SLC25A48: variants seen among roughly 807,000 people sequenced by gnomAD.
The protein encoded by SLC25A48 is solute carrier family 25 member 48, also known as CTC-321K16.1.
SLC25A48 carries 29 observed loss-of-function variants against 32.2 expected under a neutral mutation model. The observed-to-expected ratio is 0.90, with a 90% CI of 0.67 to 1.23. SLC25A48 has a LOEUF of 1.23. Ranked by LOEUF, SLC25A48 falls within the 50% of genes most tolerant of loss-of-function variation. The pLI is 0.00. For missense variants in SLC25A48, 399 were observed against 422.7 expected (o/e 0.94, Z 0.49); for synonymous variants, 164 against 172.3 (o/e 0.95, Z 0.38).
intron 3 of SLC25A48, among the ~76,000 whole-genome samples, chr5:135,795,936 G>A (rs980025304): frequency 6.7e-6 from 1 of 149,460 alleles, no homozygotes; most frequent in Admixed American, 6.8e-5. Context: ...CATATCGTGG[G>A]GGGTGTACAC....
chr5:135,780,160 C>CTTTTT (rs34277772), intron 3 of SLC25A48, among the ~76,000 whole-genome samples: 8 of 38,838 alleles, frequency 2.1e-4, no homozygotes, highest in African/African-American at 3.0e-4. Context: ...GTTTCTTCGT[C>CTTTTT]TTTTTTTTTT....
chr5:135,638,294 G>A (rs2662223), intron 3 of SLC25A48, among the ~76,000 whole-genome samples: 70,711 of 151,990 alleles, frequency 0.47, 16,662 homozygotes, highest in Middle Eastern at 0.5. Context: ...AGAAATAACC[G>A]AAATTCTGTA....
intron 4 of SLC25A48, among the ~76,000 whole-genome samples, chr5:135,825,382 C>T (rs971520652): frequency 6.6e-6 from 1 of 152,190 alleles, no homozygotes; most frequent in African/African-American, 2.4e-5. Context: ...TTCCTAATCA[C>T]CACCATGCAG....
chr5:135,753,179 G>A (rs535947300), intron 3 of SLC25A48, among the ~76,000 whole-genome samples: 1 of 152,090 alleles, frequency 6.6e-6, no homozygotes, highest in South Asian at 2.1e-4. Context: ...TAGCAGTAAT[G>A]TCTTGAGGAT....
intron 3 of SLC25A48, among the ~76,000 whole-genome samples, chr5:135,709,749 A>C (rs1213516132): frequency 1.3e-5 from 2 of 152,194 alleles, no homozygotes; most frequent in Non-Finnish European, 2.9e-5. Flanking sequence ...TAATATCTAC[A>C]TTATATGATT....
intron 1 of SLC25A48, chr5:135,579,660 G>A (rs1751188282): frequency 6.6e-6 from 1 of 152,442 alleles, no homozygotes; most frequent in Admixed American, 6.5e-5. Context: ...ACTCCCAAAG[G>A]AAAGCTCCTT....
intron 7 of SLC25A48, among the ~76,000 whole-genome samples, chr5:135,880,518 A>T (rs1280845923): frequency 6.6e-6 from 1 of 152,182 alleles, no homozygotes; most frequent in East Asian, 1.9e-4. Flanking sequence ...TGACTCTGAG[A>T]GCCACCCACA....
At chr5:135,864,290 T>A (rs1199839491) in intron 4 of SLC25A48, among the ~76,000 whole-genome samples, 1 of 152,242 alleles carries the variant, frequency 6.6e-6, no homozygotes, top group Non-Finnish European at 1.5e-5. Context: ...TCCATTTGTC[T>A]CTTTAGCAAT....
At chr5:135,703,466 G>T (rs1008180125) in intron 3 of SLC25A48, among the ~76,000 whole-genome samples, 4 of 152,164 alleles carry the variant, frequency 2.6e-5, no homozygotes, top group Non-Finnish European at 4.4e-5. Flanking sequence ...AGCTGTTTCC[G>T]CACCTGGCCC....
In SLC25A48 at chr5:135,704,139, C is replaced by A. The variant is rs117085950; in HGVS notation, c.-521+69183C>A. Among the ~76,000 whole-genome samples, 4 of 152,170 alleles carry A rather than the reference C, an allele frequency of 2.6e-5. No individual in the cohort carries two copies. In the East Asian group the frequency reaches 7.7e-4, roughly 29 times the overall value. ...TGATGGGTTCACACACTGTTCTGGGCGGCAGAGGCTCAGCGGGAGAGAGGA... is the reference window on the plus strand; with the variant it reads ...TGATGGGTTCACACACTGTTCTGGGAGGCAGAGGCTCAGCGGGAGAGAGGA... On this transcript the variant is annotated intron_variant, in intron 3 of 10. Coordinates refer to the SLC25A48 transcript ENST00000646290.
rs1756163544 is a variant in SLC25A48 at position 135,764,798 on chromosome 5, A to G, written c.-520-47725A>G. ...AATATCAAGGGCGAGAGAGGGTGAT[A>G]TTACTCCCCATATCACGGGGGGTGT... On this transcript the variant is annotated intron_variant, in intron 3 of 10. Coordinates refer to the SLC25A48 transcript ENST00000646290. Among the ~76,000 whole-genome samples, 4 of 150,960 alleles carry G rather than the reference A, an allele frequency of 2.6e-5. No individual in the cohort carries two copies. In the South Asian group the frequency reaches 6.3e-4, roughly 24 times the overall value.
chr5:135,602,629 T>C (rs1751826228), intron 1 of SLC25A48, among the ~76,000 whole-genome samples: 1 of 151,506 alleles, frequency 6.6e-6, no homozygotes, highest in East Asian at 1.9e-4. Flanking sequence ...TTTTTTTTAT[T>C]ATACTTTAAG....
At chr5:135,604,260 AC>A (rs1442364141) in intron 1 of SLC25A48, among the ~76,000 whole-genome samples, 1 of 152,188 alleles carries the variant, frequency 6.6e-6, no homozygotes, top group Non-Finnish European at 1.5e-5. Context: ...TAAATGAAAA[AC>A]AAAAACCAAC....
intron 1 of SLC25A48, among the ~76,000 whole-genome samples, chr5:135,588,673 C>T (rs1751431531): frequency 6.6e-6 from 1 of 152,148 alleles, no homozygotes; most frequent in African/African-American, 2.4e-5. Flanking sequence ...GAAGACTGCT[C>T]AGGTAGAGAG....
At chr5:135,695,557 C>T (rs917501351) in intron 3 of SLC25A48, among the ~76,000 whole-genome samples, 4 of 152,186 alleles carry the variant, frequency 2.6e-5, no homozygotes, top group Non-Finnish European at 4.4e-5. Context: ...GCACAGGCCT[C>T]GGTGGCCCTT....
At position 135,670,812 on chromosome 5, in the gene SLC25A48, T is replaced by C. The variant is rs1167493378; in HGVS notation, c.-521+35856T>C. 3.3e-5 allele frequency among the ~76,000 whole-genome samples: 5 copies of C among 152,208 alleles called. No individual in the cohort carries two copies. The South Asian group carries it at 6.2e-4, about 19-fold the overall frequency. The stretch of plus-strand genomic sequence containing the variant: ...GTCTCTGTCTGTAATTGTCAGTCTT[T>C]GTTCTCTTCCACAATTAGACATATC... On this transcript the variant is annotated intron_variant, in intron 3 of 10. Coordinates refer to the SLC25A48 transcript ENST00000646290.
chr5:135,630,947 A>G (rs953036626), intron 2 of SLC25A48, among the ~76,000 whole-genome samples: 2 of 152,066 alleles, frequency 1.3e-5, no homozygotes, highest in African/African-American at 4.8e-5. Flanking sequence ...GTACTTAACA[A>G]TAACGCTCCT....
chr5:135,642,685 T>C (rs2126917881), intron 3 of SLC25A48, among the ~76,000 whole-genome samples: 1 of 152,330 alleles, frequency 6.6e-6, no homozygotes, highest in East Asian at 1.9e-4. Flanking sequence ...AATGTTGTGT[T>C]GGATTCTGTG....
At chr5:135,734,984 C>G (rs1755326389) in intron 3 of SLC25A48, among the ~76,000 whole-genome samples, 2 of 152,170 alleles carry the variant, frequency 1.3e-5, no homozygotes, top group African/African-American at 4.8e-5. Context: ...GTCAGAGAGC[C>G]TTGGGCCAGA....
Sources: allele counts gnomAD v4.1 joint callset (sites outside exome capture counted in the v4.1 genomes callset), GRCh38; gene constraint gnomAD v4.1.1; transcripts MANE v1.5; gene names NCBI Gene and HGNC (gene_info 2026-07-23, HGNC 2026-07-21).